MCU: variants seen among roughly 807,000 people sequenced by gnomAD.
The protein encoded by MCU is mitochondrial calcium uniporter.
In MCU, 12 loss-of-function variants were observed where a neutral mutation model predicts 45.2. The ratio of observed to expected loss-of-function variants is 0.27; its 90% CI spans 0.17 to 0.43. The LOEUF is 0.43. MCU is among the 20% of genes least tolerant of loss of function. MCU has a pLI of 1.00. For synonymous variants in MCU, 160 were observed against 165.1 expected (o/e 0.97, Z 0.24); for missense variants, 324 against 436.7 (o/e 0.74, Z 2.30).
intron 4 of MCU, 86 bp downstream of exon 4, chr10:72,860,613 GAAAC>G (rs1339620895): frequency 4.0e-6 from 4 of 998,952 alleles, no homozygotes; most frequent in Middle Eastern, 2.1e-4. Flanking sequence ...GTAACCTTGA[GAAAC>G]AGACAGTATT....
intron 4 of MCU, 115 bp downstream of exon 4, chr10:72,860,642 A>T: frequency 1.3e-6 from 1 of 748,080 alleles, no homozygotes; most frequent in Non-Finnish European, 2.2e-6. Context: ...GAACACTGAA[A>T]GTTTTATATA....
intron 4 of MCU, among the ~76,000 whole-genome samples, chr10:72,860,818 C>T (rs1589501010): frequency 6.6e-6 from 1 of 152,256 alleles, no homozygotes; most frequent in East Asian, 1.9e-4. Context: ...AGCCCCTTCC[C>T]TTCATAAAGG....
chr10:72,885,960 C>T lies in MCU; in HGVS notation c.*138C>T. On this transcript the variant is annotated 3_prime_UTR_variant, in exon 8 of 8. Coordinates refer to ENST00000373053, the MANE Select transcript of MCU (RefSeq NM_138357.3). ...ATTATAAAACAAAAACAGAAAGGAT[C>T]TGAGGGAAGAAGGGAATGTTAAAAC... The T allele has an allele frequency of 1.6e-6, 1 of 636,484 alleles. No individual in the cohort carries two copies. The highest frequency in any genetic ancestry group is 2.8e-6 in the Non-Finnish European group (1 of 361,896). 39.4% of individuals were successfully genotyped at this position (636,484 alleles called of 1,614,324 possible). A position where few individuals can be genotyped will look rare whatever the true frequency, so the allele number is the denominator to read the frequency against.
chr10:72,846,479 T>A (rs1223158407), intron 2 of MCU, among the ~76,000 whole-genome samples: 1 of 152,214 alleles, frequency 6.6e-6, no homozygotes, highest in African/African-American at 2.4e-5. Flanking sequence ...CGCGCATTAG[T>A]CACTTAGTAG....
chr10:72,735,631 G>T (rs1843242527), intron 1 of MCU, among the ~76,000 whole-genome samples: 1 of 152,154 alleles, frequency 6.6e-6, no homozygotes, highest in Non-Finnish European at 1.5e-5. Context: ...TAATGGGAAG[G>T]TAACTAGCCA....
At chr10:72,812,314 T>A (rs979337130) in intron 1 of MCU, among the ~76,000 whole-genome samples, 1 of 152,106 alleles carries the variant, frequency 6.6e-6, no homozygotes, top group Non-Finnish European at 1.5e-5. Context: ...CCCAACTAAT[T>A]TTTGTATTTT....
intron 7 of MCU, among the ~76,000 whole-genome samples, chr10:72,884,753 G>A (rs1174729011): frequency 6.6e-6 from 1 of 151,074 alleles, no homozygotes; most frequent in Admixed American, 6.6e-5. Flanking sequence ...TCACAAAAAT[G>A]TGTGGTAGCA....
At chr10:72,868,927 T>C (rs974763676) in intron 5 of MCU, 64 bp downstream of exon 5, 16 of 1,508,704 alleles carry the variant, frequency 1.1e-5, no homozygotes, top group Non-Finnish European at 1.4e-5. Context: ...TATATGTTTC[T>C]GTTTTTTCTT....
intron 1 of MCU, among the ~76,000 whole-genome samples, chr10:72,746,497 A>G (rs1012275153): frequency 6.6e-6 from 1 of 152,234 alleles, no homozygotes; most frequent in Non-Finnish European, 1.5e-5. Flanking sequence ...ATTAAGTTGA[A>G]TGTTTGAATT....
At chr10:72,821,510 G>T (rs531399867) in intron 1 of MCU, among the ~76,000 whole-genome samples, 1 of 152,194 alleles carries the variant, frequency 6.6e-6, no homozygotes, top group Non-Finnish European at 1.5e-5. Context: ...AGATTGATAT[G>T]CATGCCTGAG....
intron 4 of MCU, among the ~76,000 whole-genome samples, chr10:72,864,740 G>A (rs769736912): frequency 5.3e-5 from 8 of 152,192 alleles, no homozygotes; most frequent in Non-Finnish European, 8.8e-5. Flanking sequence ...ACTGTAGTAA[G>A]ACATTATCGA....
At chr10:72,838,478 G>A (rs1844989309) in intron 2 of MCU, among the ~76,000 whole-genome samples, 1 of 152,080 alleles carries the variant, frequency 6.6e-6, no homozygotes, top group African/African-American at 2.4e-5. Flanking sequence ...GGGCGTGGTG[G>A]CATGTGCCTG....
At chr10:72,844,180 A>C (rs1330162215) in intron 2 of MCU, among the ~76,000 whole-genome samples, 2 of 152,298 alleles carry the variant, frequency 1.3e-5, no homozygotes, top group South Asian at 4.1e-4. Flanking sequence ...TTAGGTCAGG[A>C]GTTCGAGACC....
At chr10:72,736,466 A>G (rs1843253284) in intron 1 of MCU, 1 of 152,186 alleles carries the variant, frequency 6.6e-6, no homozygotes. Flanking sequence ...TAACCCAGAC[A>G]TCTTTTGTTT....
chr10:72,701,817 C>G (rs994492956), intron 1 of MCU, among the ~76,000 whole-genome samples: 3 of 152,070 alleles, frequency 2.0e-5, no homozygotes, highest in African/African-American at 7.2e-5. Flanking sequence ...AGGCGTGATC[C>G]ACCGTGCCCG....
intron 2 of MCU, among the ~76,000 whole-genome samples, chr10:72,855,903 A>T (rs1845283416): frequency 6.6e-6 from 1 of 152,188 alleles, no homozygotes; most frequent in Non-Finnish European, 1.5e-5. Context: ...ATAGGGAAAG[A>T]TATACTATGA....
chr10:72,747,611 C>T (rs979333246), intron 1 of MCU, among the ~76,000 whole-genome samples: 14 of 152,016 alleles, frequency 9.2e-5, no homozygotes, highest in African/African-American at 3.4e-4. Flanking sequence ...GCAGGAGGAT[C>T]GCTTGAGCCC....
intron 4 of MCU, among the ~76,000 whole-genome samples, chr10:72,866,935 T>TGA (rs1292569895): frequency 5.9e-5 from 9 of 151,638 alleles, no homozygotes; most frequent in African/African-American, 2.2e-4. Flanking sequence ...TAAAGCTATA[T>TGA]GCAAATGTGA....
At chr10:72,878,415 C>T (rs1845650532) in intron 6 of MCU, among the ~76,000 whole-genome samples, 1 of 152,086 alleles carries the variant, frequency 6.6e-6, no homozygotes, top group Admixed American at 6.5e-5. Flanking sequence ...GCCACCATGC[C>T]TGGCCAGTTT....
Sources: allele counts gnomAD v4.1 joint callset (sites outside exome capture counted in the v4.1 genomes callset), GRCh38; gene constraint gnomAD v4.1.1; transcripts MANE v1.5; gene names NCBI Gene and HGNC (gene_info 2026-07-23, HGNC 2026-07-21).